TMEM154: variants seen among roughly 807,000 people sequenced by gnomAD.
The protein encoded by TMEM154 is transmembrane protein 154.
Under a neutral mutation model 24.5 loss-of-function variants are expected in TMEM154, and 27 were observed. The ratio of observed to expected loss-of-function variants is 1.10; its 90% CI spans 0.81 to 1.52. The LOEUF is 1.52. TMEM154 is among the 40% of genes most tolerant of loss of function. The probability of loss-of-function intolerance (pLI) is 0.00; values close to 1 mark genes in which losing one functional copy is unlikely to be tolerated. For synonymous variants in TMEM154, 67 were observed against 76.8 expected (o/e 0.87, Z 0.67); for missense variants, 228 against 213.4 (o/e 1.07, Z -0.43).
chr4:152,628,565 TAAA>T lies in TMEM154; in HGVS notation c.537-7_537-5del, dbSNP rs747613909. The T allele has an allele frequency of 3.7e-4, 193 of 518,284 alleles. No individual in the cohort carries two copies. Among genetic ancestry groups the T allele is most frequent in the East Asian group, 2.1e-3 (14 of 6,768 alleles). 32.1% of individuals were successfully genotyped at this position (518,284 alleles called of 1,614,324 possible). On this transcript the variant is annotated splice_region_variant and splice_polypyrimidine_tract_variant and intron_variant, in intron 6 of 6. Coordinates refer to ENST00000304385, the MANE Select transcript of TMEM154 (RefSeq NM_152680.3). Reference sequence around the variant, plus strand: ...TCAGGTTTAGGATTCACTGTCACTGTAAAAAAAAAAAAAAAAAAAAAAAAAAAC... The same window carrying T: ...TCAGGTTTAGGATTCACTGTCACTGTAAAAAAAAAAAAAAAAAAAAAAAAC...
chr4:152,628,353 C>G lies in TMEM154; in HGVS notation c.*193G>C. 3 of 966,480 alleles carry G rather than the reference C, an allele frequency of 3.1e-6. No homozygotes were observed. Among genetic ancestry groups the G allele is most frequent in the Non-Finnish European group, 4.8e-6 (3 of 628,692 alleles). The allele number at this position is 966,480 out of a possible 1,614,324, so 59.9% of individuals were successfully genotyped here. The stretch of plus-strand genomic sequence containing the variant: ...AGCCAGGCCTTTTCCTAGTACTTCT[C>G]AATTGCACATTCTTCCAAGTGCAAG... On this transcript the variant is annotated 3_prime_UTR_variant, in exon 7 of 7. Coordinates refer to ENST00000304385, the MANE Select transcript of TMEM154 (RefSeq NM_152680.3).
At chr4:152,652,362 A>AC (rs1728402026) in intron 3 of TMEM154, among the ~76,000 whole-genome samples, 176 bp downstream of exon 3, 1 of 150,958 alleles carries the variant, frequency 6.6e-6, no homozygotes, top group Non-Finnish European at 1.5e-5. Context: ...ATTCAATTAA[A>AC]CTTTTTTTTT....
chr4:152,655,897 T>G (rs1728482178), intron 1 of TMEM154, among the ~76,000 whole-genome samples: 1 of 152,114 alleles, frequency 6.6e-6, no homozygotes, highest in South Asian at 2.1e-4. Flanking sequence ...TACAGCCAGC[T>G]ACTGCATGCC....
chr4:152,670,679 T>C (rs1056986537), intron 1 of TMEM154, among the ~76,000 whole-genome samples: 1 of 152,202 alleles, frequency 6.6e-6, no homozygotes, highest in Non-Finnish European at 1.5e-5. Context: ...ATTATAAAAC[T>C]GGGTTAACTA....
chr4:152,636,275 A>C (rs1752146985), intron 6 of TMEM154, among the ~76,000 whole-genome samples: 1 of 152,238 alleles, frequency 6.6e-6, no homozygotes, highest in East Asian at 1.9e-4. Flanking sequence ...ATCAGGGATG[A>C]AATTCTCTTC....
At chr4:152,678,833 G>C (rs1729004454) in intron 1 of TMEM154, among the ~76,000 whole-genome samples, 1 of 152,196 alleles carries the variant, frequency 6.6e-6, no homozygotes, top group African/African-American at 2.4e-5. Flanking sequence ...TCAGATGCCT[G>C]GGGGACCACA....
rs1751806519 is a variant in TMEM154, at chr4:152,619,028, T to G, written c.*9518A>C. 6.6e-6 allele frequency: 1 copy of G among 152,254 alleles called. No homozygotes were observed. The highest frequency in any genetic ancestry group is 1.5e-5 in the Non-Finnish European group (1 of 68,050). 9.4% of individuals were successfully genotyped at this position (152,254 alleles called of 1,614,324 possible). On this transcript the variant is annotated 3_prime_UTR_variant, in exon 7 of 7. Transcript: ENST00000304385. ...TAGCTCATTAAATAATTGGTTTTTCTGTTATTATGGAGCGTGCAGTAGCGC... is the reference window on the plus strand; with the variant it reads ...TAGCTCATTAAATAATTGGTTTTTCGGTTATTATGGAGCGTGCAGTAGCGC...
chr4:152,652,922 A>G lies in TMEM154; in HGVS notation c.70T>C (p.Tyr24His). ...TCTCCTGAGTTTTCTAATTCCTCAT[A>G]ATTACCTGTGGGAATAGATACAAAA... is the stretch of plus-strand genomic sequence containing the variant. The part of the protein sequence containing the change: ...IALVPVGRGN[Y>H]EELENSGDTT... Residue 24 changes from tyrosine to histidine, a missense_variant, in exon 2 of 7, where the codon TAT becomes CAT. By Grantham distance (83) the Tyr-to-His change is moderately conservative. Transcript: ENST00000304385. 6.3e-7 allele frequency: 1 copy of G among 1,598,130 alleles called. No individual in the cohort carries two copies.
chr4:152,641,017 G>C (rs762765462), intron 5 of TMEM154, 32 bp from the exon 6 acceptor site: 3 of 1,592,784 alleles, frequency 1.9e-6, no homozygotes, highest in Non-Finnish European at 2.6e-6. Flanking sequence ...CTCATTGTTA[G>C]TTACTGAAAT....
chr4:152,676,122 C>G (rs946660012), intron 1 of TMEM154, among the ~76,000 whole-genome samples: 1 of 152,152 alleles, frequency 6.6e-6, no homozygotes, highest in African/African-American at 2.4e-5. Context: ...GTCTTAAATC[C>G]CCAGATTCTC....
rs1017299047 is a variant in TMEM154, at chr4:152,639,901, G to A, written c.536+1027C>T. 15 of 153,010 alleles carry A rather than the reference G, an allele frequency of 9.8e-5. No individual in the cohort carries two copies. In the East Asian group the frequency reaches 2.5e-3, roughly 26 times the overall value. The allele number at this position is 153,010 out of a possible 1,614,324, so 9.5% of individuals were successfully genotyped here. A position where few individuals can be genotyped will look rare whatever the true frequency, so the allele number is the denominator to read the frequency against. On this transcript the variant is annotated intron_variant, in intron 6 of 6. Transcript: ENST00000304385. ...GTATAGACTTTGGCATCAGAGCTGA[G>A]GTTTGTCTGAGTAAGACTGTGGTGG...
At chr4:152,678,151 T>A (rs768150216) in intron 1 of TMEM154, among the ~76,000 whole-genome samples, 10 of 151,584 alleles carry the variant, frequency 6.6e-5, no homozygotes, top group Non-Finnish European at 1.2e-4. Flanking sequence ...TGGAAGGAGG[T>A]GCCACTGGGA....
intron 3 of TMEM154, among the ~76,000 whole-genome samples, chr4:152,648,158 T>C (rs1466985764): frequency 6.6e-6 from 1 of 152,126 alleles, no homozygotes; most frequent in Non-Finnish European, 1.5e-5. Context: ...TAATTTTTCC[T>C]AGGGGAGGAT....
rs780734260 is a variant in TMEM154, at chr4:152,643,064, AAAC to A, written c.478+21_478+23del. ...TCTGTTACTAGAGAGGAAAGAAAAA[AAAC>A]AACTTTAGGTTACCACATACCATTT... On this transcript the variant is annotated intron_variant, in intron 5 of 6. Coordinates refer to ENST00000304385, the MANE Select transcript of TMEM154 (RefSeq NM_152680.3). The A allele has an allele frequency of 6.3e-6, 10 of 1,588,468 alleles. No homozygotes were observed. In the East Asian group the frequency reaches 2.2e-4, roughly 35 times the overall value.
Position 152,628,578 on chromosome 4 carries a change from A to AAAC in TMEM154, c.537-18_537-17insGTT, listed in dbSNP as rs1333658537. On this transcript the variant is annotated splice_polypyrimidine_tract_variant and intron_variant, in intron 6 of 6. Transcript: ENST00000304385. ...TCACTGTCACTGTAAAAAAAAAAAA[A>AAAC]AAAAAAAAAAAAAACAAAAAAAACA... The AAAC allele has an allele frequency of 1.3e-5, 15 of 1,156,172 alleles. No homozygotes were observed. In the African/African-American group the frequency reaches 2.6e-4, roughly 20 times the overall value. 71.6% of individuals were successfully genotyped at this position (1,156,172 alleles called of 1,614,324 possible).
Position 152,618,733 on chromosome 4 carries a change from C to G in TMEM154, c.*9813G>C, listed in dbSNP as rs921536584. On this transcript the variant is annotated 3_prime_UTR_variant, in exon 7 of 7. Coordinates refer to ENST00000304385, the MANE Select transcript of TMEM154 (RefSeq NM_152680.3). ...GCCACTTTCTCTCCACCTCCACTTG[C>G]TTGTTAGTTCAATTATGATCGTTCT... 6.6e-6 allele frequency: 1 copy of G among 152,162 alleles called. No individual in the cohort carries two copies. The highest frequency in any genetic ancestry group is 1.5e-5 in the Non-Finnish European group (1 of 68,038). The allele number at this position is 152,162 out of a possible 1,614,324, so 9.4% of individuals were successfully genotyped here.
intron 6 of TMEM154, among the ~76,000 whole-genome samples, chr4:152,631,907 C>T (rs1223387318): frequency 1.3e-4 from 18 of 138,296 alleles, no homozygotes; most frequent in Non-Finnish European, 1.8e-4. Context: ...CAGGTTCACA[C>T]CATTCTCCTG....
intron 1 of TMEM154, chr4:152,666,747 A>T (rs183328056): frequency 6.6e-6 from 1 of 152,398 alleles, no homozygotes; most frequent in Admixed American, 6.5e-5. Context: ...AAATGAGAAT[A>T]ACCATGCCAG....
intron 5 of TMEM154, among the ~76,000 whole-genome samples, chr4:152,641,918 TTTTTTTTTTTTTTTTTTTTG>T: frequency 8.5e-6 from 1 of 117,844 alleles, no homozygotes; most frequent in Non-Finnish European, 1.8e-5. Flanking sequence ...TTTTTTTTTT[TTTTTTTTTTTTTTTTTTTTG>T]TTGAGATGGA....
Sources: gnomAD v4.1 joint callset for allele counts (sites outside exome capture counted in the v4.1 genomes callset) on GRCh38, gnomAD v4.1.1 for gene constraint, MANE v1.5 for transcripts, NCBI Gene and HGNC (gene_info 2026-07-23, HGNC 2026-07-21) for gene names.